PCDHAC1: variants seen among roughly 807,000 people sequenced by gnomAD.
The protein encoded by PCDHAC1 is protocadherin alpha subfamily C, 1.
In PCDHAC1, 42 loss-of-function variants were observed where a neutral mutation model predicts 60.0. The observed-to-expected ratio is 0.70, with a 90% confidence interval of 0.55 to 0.90. PCDHAC1 has a LOEUF of 0.90. PCDHAC1 is among the 40% of genes least tolerant of loss of function. The pLI is 0.00. For synonymous variants in PCDHAC1, 468 were observed against 499.3 expected, an observed-to-expected ratio of 0.94 and a Z score of 0.84; for missense variants, 1,160 against 1,222.3, an observed-to-expected ratio of 0.95 and a Z score of 0.76.
chr5:140,929,140 C>T lies in PCDHAC1; in HGVS notation c.2248C>T (p.Leu750Phe). The T allele has an allele frequency of 6.2e-7, 1 of 1,614,176 alleles. No individual in the cohort carries two copies. Among genetic ancestry groups the T allele is most frequent in the Non-Finnish European group, 8.5e-7 (1 of 1,180,042 alleles). The change falls in exon 1 of 4, where the codon CTT (leucine) becomes TTT (phenylalanine). Residue 750 changes from leucine (L) to phenylalanine (F), a missense_variant. Leu to Phe is a conservative substitution (Grantham distance 22). Around this residue, in one of 3 missense-constraint regions of PCDHAC1, gnomAD observed 1,113 missense variants for 1,163.7 expected, o/e 0.96. Coordinates refer to ENST00000253807, the MANE Select transcript of PCDHAC1 (RefSeq NM_018898.5). ...ATIDVTTVERLSQTYLYRASL... is the reference protein window; with the variant it reads ...ATIDVTTVERFSQTYLYRASL... ...CATAGATGTCACTACAGTTGAGAGACTTTCTCAGACTTATCTCTATCGGGC... is the reference window on the plus strand; with the variant it reads ...CATAGATGTCACTACAGTTGAGAGATTTTCTCAGACTTATCTCTATCGGGC...
chr5:140,966,982 G>C, intron 1 of PCDHAC1: 1 of 1,603,506 alleles, frequency 6.2e-7, no homozygotes, highest in Non-Finnish European at 8.5e-7. Flanking sequence ...TGCGGCGCTT[G>C]GGGCCGGGTT....
intron 1 of PCDHAC1, among the ~76,000 whole-genome samples, chr5:140,961,096 G>A (rs1040764862): frequency 3.9e-5 from 6 of 152,222 alleles, no homozygotes; most frequent in Admixed American, 3.3e-4. Flanking sequence ...TGACTTTTTG[G>A]TCACCCAACC....
chr5:140,934,490 C>T (rs189772593), intron 1 of PCDHAC1, among the ~76,000 whole-genome samples: 35 of 152,244 alleles, frequency 2.3e-4, no homozygotes, highest in Admixed American at 1.4e-3. Context: ...ATATTCACCT[C>T]ATAAACACCC....
chr5:140,998,746 A>C (rs1473770059), intron 3 of PCDHAC1, among the ~76,000 whole-genome samples: 2 of 151,954 alleles, frequency 1.3e-5, no homozygotes, highest in Non-Finnish European at 2.9e-5. Context: ...GTATTTTTAG[A>C]AGAGACACAG....
chr5:140,985,683 G>A (rs926848363), intron 3 of PCDHAC1, among the ~76,000 whole-genome samples: 3 of 151,224 alleles, frequency 2.0e-5, no homozygotes, highest in African/African-American at 7.3e-5. Context: ...CCTGCCTTAC[G>A]CTAATCCTCG....
At position 140,927,716 on chromosome 5, in the gene PCDHAC1, G is replaced by T. The variant is rs782756674; in HGVS notation, c.824G>T (p.Ser275Ile). ...NGEVQYSLSNSTQAELRHRFH... is the reference protein window; with the variant it reads ...NGEVQYSLSNITQAELRHRFH... ...GAAGTCCAGTACTCCCTAAGCAACA[G>T]CACGCAAGCAGAGCTGCGACACCGC... Residue 275 changes from serine to isoleucine, a missense_variant, in exon 1 of 4, where the codon AGC (serine) becomes ATC (isoleucine). Ser to Ile is a moderately radical substitution (Grantham distance 142, BLOSUM62 -2). Transcript: ENST00000253807. 1 of 1,614,190 alleles carries T rather than the reference G, an allele frequency of 6.2e-7. No individual in the cohort carries two copies. The highest frequency in any genetic ancestry group is 1.1e-5 in the South Asian group (1 of 91,082).
chr5:141,000,080 G>T (rs1554257118), intron 3 of PCDHAC1, among the ~76,000 whole-genome samples: 1 of 152,068 alleles, frequency 6.6e-6, no homozygotes, highest in Non-Finnish European at 1.5e-5. Context: ...ACAATGCTAG[G>T]CCTGTGAATG....
At chr5:140,964,454 T>C (rs1392277569) in intron 1 of PCDHAC1, among the ~76,000 whole-genome samples, 1 of 152,132 alleles carries the variant, frequency 6.6e-6, no homozygotes, top group Admixed American at 6.5e-5. Flanking sequence ...CTGTAATCTC[T>C]TCCTTAAGTG....
intron 1 of PCDHAC1, chr5:140,967,880 A>G (rs782459653): frequency 4.3e-6 from 7 of 1,614,060 alleles, no homozygotes; most frequent in Non-Finnish European, 2.5e-6. Context: ...GGACCTGTAT[A>G]GCCCAGTGCC....
intron 1 of PCDHAC1, chr5:140,966,703 G>A: frequency 1.5e-6 from 2 of 1,376,398 alleles, no homozygotes; most frequent in Non-Finnish European, 1.9e-6. Flanking sequence ...CCCGGGCGTG[G>A]GGCACGGCTG....
chr5:140,997,107 C>T (rs1346636277), intron 3 of PCDHAC1, among the ~76,000 whole-genome samples: 3 of 152,094 alleles, frequency 2.0e-5, no homozygotes, highest in African/African-American at 7.2e-5. Flanking sequence ...TCATGCACTC[C>T]TGCTCTCCCA....
chr5:140,952,914 T>C (rs1020868857), intron 1 of PCDHAC1, among the ~76,000 whole-genome samples: 1 of 151,982 alleles, frequency 6.6e-6, no homozygotes, highest in South Asian at 2.1e-4. Context: ...TCATCTTACA[T>C]GGCATGAGCA....
At chr5:140,973,414 C>G (rs992904408) in intron 1 of PCDHAC1, among the ~76,000 whole-genome samples, 1 of 152,204 alleles carries the variant, frequency 6.6e-6, no homozygotes, top group Non-Finnish European at 1.5e-5. Flanking sequence ...GCTTCCACTC[C>G]AGTTTTTCAT....
chr5:140,955,641 A>G (rs173471), intron 1 of PCDHAC1, among the ~76,000 whole-genome samples: 85,644 of 151,978 alleles, frequency 0.56, 24,753 homozygotes, highest in African/African-American at 0.69. Flanking sequence ...TGTGAGAACA[A>G]ATTAATACAC....
chr5:141,003,291 G>C (rs1402781511), intron 3 of PCDHAC1, among the ~76,000 whole-genome samples: 1 of 152,158 alleles, frequency 6.6e-6, no homozygotes, highest in Non-Finnish European at 1.5e-5. Flanking sequence ...TGGATTATAG[G>C]ATTACATGAA....
intron 1 of PCDHAC1, among the ~76,000 whole-genome samples, chr5:140,969,908 TG>T (rs2096368267): frequency 6.6e-6 from 1 of 152,184 alleles, no homozygotes; most frequent in Non-Finnish European, 1.5e-5. Flanking sequence ...ATGTCACAAG[TG>T]ATAAAGCTGT....
In PCDHAC1 at chr5:140,927,427, G is replaced by C; in HGVS notation, c.535G>C (p.Gly179Arg). The part of the protein sequence containing the change: ...FRLDMGSRVD[G>R]SEYPELVLEK... ...CCTGGACATGGGATCGCGGGTTGAC[G>C]GCAGCGAATACCCGGAGTTGGTGTT... Residue 179 changes from glycine to arginine, a missense_variant, in exon 1 of 4, where the codon GGC becomes CGC. Gly to Arg is a moderately radical substitution (Grantham distance 125, BLOSUM62 -2). Transcript: ENST00000253807. 1.2e-6 allele frequency: 2 copies of C among 1,614,114 alleles called. No homozygotes were observed. The highest frequency in any genetic ancestry group is 1.3e-5 in the African/African-American group (1 of 75,056).
rs782446148 is a variant in PCDHAC1 at position 140,927,733 on chromosome 5, C to T, written c.841C>T (p.Arg281Ter). The part of the protein sequence containing the change: ...SLSNSTQAEL[R>*]HRFHVHPKSG... ...AAGCAACAGCACGCAAGCAGAGCTG[C>T]GACACCGCTTTCACGTGCACCCTAA... The change falls in exon 1 of 4, where the codon CGA (arginine) becomes TGA (stop). Residue 281 changes from arginine to a stop codon, truncating the protein, a stop_gained. Transcript: ENST00000253807. LOFTEE classifies it high-confidence loss of function. 4.3e-6 allele frequency: 7 copies of T among 1,614,198 alleles called. No homozygotes were observed. The highest frequency in any genetic ancestry group is 2.2e-5 in the South Asian group (2 of 91,088).
At chr5:141,005,701 C>CA (rs59860837) in intron 3 of PCDHAC1, among the ~76,000 whole-genome samples, 506 of 7,758 alleles carry the variant, frequency 0.065, 109 homozygotes, top group Non-Finnish European at 0.076. Context: ...AACTCCGTCT[C>CA]AAAAAAAAAA....
Sources: gnomAD v4.1 joint callset for allele counts (sites outside exome capture counted in the v4.1 genomes callset) on GRCh38, gnomAD v4.1.1 for gene constraint, gnomAD v4.1.1 regional missense constraint, MANE v1.5 for transcripts, NCBI Gene and HGNC (gene_info 2026-07-23, HGNC 2026-07-21) for gene names.